The following BMX variants were observed in gnomAD, a reference collection of about 807,000 sequenced individuals.
BMX encodes BMX non-receptor tyrosine kinase, also known as cytoplasmic tyrosine-protein kinase BMX.
In BMX, 31 loss-of-function variants were observed where a neutral mutation model predicts 59.2. That is an observed-to-expected ratio of 0.52 (90% CI 0.39 to 0.71). The LOEUF (loss-of-function observed/expected upper bound fraction) is 0.71. Among genes scored for constraint, BMX ranks in the 30% least tolerant of loss-of-function variants. The probability of loss-of-function intolerance (pLI) is 0.00; values close to 1 mark genes in which losing one functional copy is unlikely to be tolerated. For missense variants in BMX, 474 were observed against 491.7 expected (o/e 0.96, Z 0.34); for synonymous variants, 185 against 181.0 (o/e 1.02, Z -0.18).
Position 15,529,955 on chromosome X carries a change from A to T in BMX, c.885-18A>T, listed in dbSNP as rs1446186655. 11 of 1,196,932 alleles carry T rather than the reference A, an allele frequency of 9.2e-6. No individual in the cohort carries two copies. The highest frequency in any genetic ancestry group is 2.2e-5 in the Admixed American group (1 of 45,676). ...TAAAACTTATTGATTCTCACATATA[A>T]TTTTTTTCCTTTTGCAGCTGGTTTG... is the stretch of plus-strand genomic sequence containing the variant. On this transcript the variant is annotated intron_variant, in intron 9 of 18. Transcript: ENST00000348343.
At chrX:15,537,833 T>C (rs1467472012) in intron 14 of BMX, among the ~76,000 whole-genome samples, 1 of 111,064 alleles carries the variant, frequency 9.0e-6, no homozygotes, top group Non-Finnish European at 1.9e-5. Flanking sequence ...GGTTGGGTGA[T>C]TTCAGAGTCC....
rs201534309 is a variant in BMX, at chrX:15,542,099, C to A, written c.1512C>A (p.His504Gln). 3 of 1,211,406 alleles carry A rather than the reference C, an allele frequency of 2.5e-6. No homozygotes were observed. The highest frequency in any genetic ancestry group is 3.4e-6 in the Non-Finnish European group (3 of 895,252). The change falls in exon 15 of 19, where the codon CAC becomes CAA. Residue 504 changes from histidine to glutamine, a missense_variant. By Grantham distance (24) the His-to-Gln change is conservative. Transcript: ENST00000348343. ...GCTTGCTGAATTACCTGAGGAGTCA[C>A]GGAAAAGGACTTGAACCTTCCCAGC... ...NGCLLNYLRS[H>Q]GKGLEPSQLL...
chrX:15,527,283 T>TATATATATACATAC (rs1285065649), intron 9 of BMX, among the ~76,000 whole-genome samples: 1 of 65,867 alleles, frequency 1.5e-5, no homozygotes, highest in Non-Finnish European at 2.7e-5. Flanking sequence ...TATATATATA[T>TATATATATACATAC]ACACACACAC....
intron 10 of BMX, 126 bp downstream of exon 10, chrX:15,530,153 T>C: frequency 1.5e-6 from 1 of 659,783 alleles, no homozygotes; most frequent in Non-Finnish European, 2.3e-6. Context: ...GTGTTGCTTG[T>C]CCAGTCTGTG....
Position 15,537,114 on chromosome X carries a change from T to C in BMX, c.1223-20T>C. 5.8e-6 allele frequency: 7 copies of C among 1,209,595 alleles called. No homozygotes were observed. Among genetic ancestry groups the C allele is most frequent in the East Asian group, 3.0e-5 (1 of 33,797 alleles). ...AGCTTTCTATGCTCGTCCTAAAGAA[T>C]GTCCGTCTTGCCTTGTTAGGAATCT... On this transcript the variant is annotated intron_variant, in intron 13 of 18. Transcript: ENST00000348343.
intron 7 of BMX, among the ~76,000 whole-genome samples, chrX:15,523,626 C>G (rs1924573986): frequency 9.0e-6 from 1 of 111,211 alleles, no homozygotes; most frequent in Non-Finnish European, 1.9e-5. Flanking sequence ...CTGCAGCCCA[C>G]CATTCTTGTG....
chrX:15,507,249 A>G, intron 1 of BMX: 1 of 637,337 alleles, frequency 1.6e-6, no homozygotes, highest in Non-Finnish European at 1.9e-6. Context: ...TTCCTGATCA[A>G]GACTGATGAG....
At chrX:15,509,723 C>G (rs980322095) in intron 3 of BMX, among the ~76,000 whole-genome samples, 7 of 110,898 alleles carry the variant, frequency 6.3e-5, no homozygotes, top group Non-Finnish European at 9.4e-5. Context: ...ATGTGGTACA[C>G]AGTAGTAGGC....
intron 11 of BMX, among the ~76,000 whole-genome samples, chrX:15,531,822 T>C: frequency 1.6e-5 from 1 of 61,946 alleles, no homozygotes; most frequent in East Asian, 9.4e-3. Context: ...CAGTGTCCAG[T>C]TCTTAGTAAG....
chrX:15,548,371 C>T (rs1926043194), intron 17 of BMX, among the ~76,000 whole-genome samples: 1 of 110,977 alleles, frequency 9.0e-6, no homozygotes, highest in African/African-American at 3.3e-5. Flanking sequence ...GCACGAGAAT[C>T]GCTTAAACCT....
intron 11 of BMX, among the ~76,000 whole-genome samples, chrX:15,532,626 G>A (rs766762112): frequency 5.4e-5 from 6 of 111,863 alleles, no homozygotes; most frequent in Admixed American, 9.5e-5. Flanking sequence ...GTCTGCCTTG[G>A]TGCCTTCCCC....
chrX:15,517,319 A>C (rs1924206569), intron 5 of BMX, among the ~76,000 whole-genome samples: 1 of 111,984 alleles, frequency 8.9e-6, no homozygotes. Context: ...CTGAGGAGTA[A>C]TGTCTCCTTA....
intron 17 of BMX, among the ~76,000 whole-genome samples, chrX:15,548,329 C>T (rs146832497): frequency 0.042 from 4,588 of 109,969 alleles, 237 homozygotes; most frequent in African/African-American, 0.13. Context: ...TGGTGGTGCG[C>T]GCCTGTAACC....
rs759671228 is a variant in BMX, at chrX:15,519,247, T to C, written c.510+1254T>C. On this transcript the variant is annotated intron_variant, in intron 6 of 18. Transcript: ENST00000348343. The stretch of plus-strand genomic sequence containing the variant: ...TTGGATCTATGGTGTCTTGGGTACT[T>C]ATTTTCAGCTACACACATTCGCACA... 1.2e-3 allele frequency among the ~76,000 whole-genome samples: 136 copies of C among 111,866 alleles called. 1 individual carries two copies. The highest frequency in any genetic ancestry group is 3.9e-3 in the African/African-American group (121 of 30,748).
rs1925161613 is a variant in BMX at position 15,533,146 on chromosome X, A to C, written c.1020-1066A>C. 2.7e-5 allele frequency among the ~76,000 whole-genome samples: 3 copies of C among 112,298 alleles called. No homozygotes were observed. The South Asian group carries it at 1.1e-3, about 41-fold the overall frequency. ...AGAGAAGAACCATTTCTCCTTTTGT[A>C]CTTGCAATTTTTACTCGGTTGATGT... is the stretch of plus-strand genomic sequence containing the variant. On this transcript the variant is annotated intron_variant, in intron 11 of 18. Transcript: ENST00000348343.
At position 15,546,761 on chromosome X, in the gene BMX, C is replaced by T. The variant is rs776317772; in HGVS notation, c.1677-42C>T. 7 of 1,101,280 alleles carry T rather than the reference C, an allele frequency of 6.4e-6. No individual in the cohort carries two copies. The Admixed American group carries it at 6.8e-5, about 11-fold the overall frequency. The allele number at this position is 1,101,280 out of a possible 1,213,427, so 90.8% of individuals were successfully genotyped here. A position where few individuals can be genotyped will look rare whatever the true frequency, so the allele number is the denominator to read the frequency against. ...TTCCGTGTCCTTCATCAGCCTGTAC[C>T]ACCACGGCTTAAGGTCTGTGTTGAT... On this transcript the variant is annotated intron_variant, in intron 16 of 18. Transcript: ENST00000348343.
intron 18 of BMX, among the ~76,000 whole-genome samples, chrX:15,552,280 G>A (rs111375533): frequency 0.018 from 2,041 of 112,091 alleles, 44 homozygotes; most frequent in African/African-American, 0.062. Flanking sequence ...ATTTTGTAGA[G>A]AGTATTGGTC....
intron 12 of BMX, 27 bp from the exon 13 acceptor site, chrX:15,536,326 G>A (rs1460556891): frequency 8.4e-7 from 1 of 1,191,340 alleles, no homozygotes; most frequent in African/African-American, 1.8e-5. Flanking sequence ...ATAATGATGT[G>A]ATGATATGAT....
At chrX:15,507,446 T>G (rs1923783101) in intron 1 of BMX, 2 of 621,043 alleles carry the variant, frequency 3.2e-6, no homozygotes, top group African/African-American at 2.5e-5. Flanking sequence ...AAAGAAAGAT[T>G]TTAACTATTG....
Sources: gnomAD v4.1 joint callset for allele counts (sites outside exome capture counted in the v4.1 genomes callset) on GRCh38, gnomAD v4.1.1 for gene constraint, MANE v1.5 for transcripts, NCBI Gene and HGNC (gene_info 2026-07-23, HGNC 2026-07-21) for gene names.